CDK8: variants seen among roughly 807,000 people sequenced by gnomAD.
CDK8 encodes cyclin dependent kinase 8.
CDK8 carries 29 observed loss-of-function variants against 71.5 expected under a neutral mutation model. The observed-to-expected ratio is 0.41, with a 90% CI of 0.30 to 0.55. The LOEUF is 0.55. Among genes scored for constraint, CDK8 ranks in the 20% least tolerant of loss-of-function variants. The probability of loss-of-function intolerance (pLI) is 0.37; values close to 1 mark genes in which losing one functional copy is unlikely to be tolerated. For synonymous variants in CDK8, 161 were observed against 192.1 expected, an observed-to-expected ratio of 0.84 and a Z score of 1.34; for missense variants, 288 against 572.6, an observed-to-expected ratio of 0.50 and a Z score of 5.07.
Position 26,404,558 on chromosome 13 carries a change from G to A in CDK8, c.*477G>A. 1 of 232,482 alleles carries A rather than the reference G, an allele frequency of 4.3e-6. No homozygotes were observed. Among genetic ancestry groups the A allele is most frequent in the Non-Finnish European group, 8.5e-6 (1 of 117,684 alleles). 14.4% of individuals were successfully genotyped at this position (232,482 alleles called of 1,614,324 possible). On this transcript the variant is annotated 3_prime_UTR_variant, in exon 13 of 13. Coordinates refer to ENST00000381527, the MANE Select transcript of CDK8 (RefSeq NM_001260.3). ...CAAGACTCGAAATGAGATTATTTTGGTACACCTTTCTTTTTAGTGTCTTAT... is the reference window on the plus strand; with the variant it reads ...CAAGACTCGAAATGAGATTATTTTGATACACCTTTCTTTTTAGTGTCTTAT...
At chr13:26,292,723 C>T (rs144503907) in intron 1 of CDK8, among the ~76,000 whole-genome samples, 29 of 152,256 alleles carry the variant, frequency 1.9e-4, no homozygotes, top group African/African-American at 5.8e-4. Context: ...GATACTTTGG[C>T]TGGATATGGA....
chr13:26,347,652 G>A (rs1386448150), intron 2 of CDK8, among the ~76,000 whole-genome samples: 3 of 152,084 alleles, frequency 2.0e-5, no homozygotes, highest in Non-Finnish European at 2.9e-5. Flanking sequence ...CTCCAAAGAC[G>A]ATCTACAAAT....
chr13:26,295,954 T>G (rs1470564897), intron 1 of CDK8, among the ~76,000 whole-genome samples: 1 of 152,140 alleles, frequency 6.6e-6, no homozygotes, highest in Non-Finnish European at 1.5e-5. Flanking sequence ...ATCATTTGAC[T>G]GGACAGTGGC....
At chr13:26,279,879 A>G (rs1471775578) in intron 1 of CDK8, among the ~76,000 whole-genome samples, 6 of 152,192 alleles carry the variant, frequency 3.9e-5, no homozygotes, top group Admixed American at 3.3e-4. Context: ...ATGAAGTGGC[A>G]TGATGTCTAG....
chr13:26,384,780 G>C (rs919885529), intron 5 of CDK8, among the ~76,000 whole-genome samples: 1 of 152,176 alleles, frequency 6.6e-6, no homozygotes, highest in African/African-American at 2.4e-5. Flanking sequence ...ATATTGCATA[G>C]TCAGCTTCTG....
chr13:26,359,587 C>T (rs1452580079), intron 4 of CDK8: 1 of 180,464 alleles, frequency 5.5e-6, no homozygotes, highest in Non-Finnish European at 1.2e-5. Context: ...AGTGGTCCTC[C>T]TTTCTAGATA....
rs542227503 is a variant in CDK8, at chr13:26,375,703, A to G, written c.457-7111A>G. Among the ~76,000 whole-genome samples the G allele has an allele frequency of 5.9e-5, 9 of 152,374 alleles. No homozygotes were observed. In the East Asian group the frequency reaches 1.3e-3, roughly 23 times the overall value. On this transcript the variant is annotated intron_variant, in intron 4 of 12. Coordinates refer to ENST00000381527, the MANE Select transcript of CDK8 (RefSeq NM_001260.3). ...GACACTGAGTAAACTATGACATAAA[A>G]TATGCACACAATGGAGCATCTATGG...
chr13:26,349,680 T>C (rs1273829184), intron 3 of CDK8, among the ~76,000 whole-genome samples: 6 of 152,322 alleles, frequency 3.9e-5, no homozygotes, highest in African/African-American at 9.6e-5. Flanking sequence ...GTTTACCCCA[T>C]CTGTAAAATG....
chr13:26,258,474 T>TA (rs903571713), intron 1 of CDK8, among the ~76,000 whole-genome samples: 1 of 149,858 alleles, frequency 6.7e-6, no homozygotes, highest in Non-Finnish European at 1.5e-5. Flanking sequence ...TACACAAACA[T>TA]ACTTGTGTAT....
chr13:26,322,182 C>T (rs1433888492), intron 1 of CDK8, among the ~76,000 whole-genome samples: 1 of 152,172 alleles, frequency 6.6e-6, no homozygotes, highest in South Asian at 2.1e-4. Flanking sequence ...ATGGTTTCCT[C>T]CCTTCAAATA....
At chr13:26,297,624 G>C (rs1235390495) in intron 1 of CDK8, among the ~76,000 whole-genome samples, 1 of 152,136 alleles carries the variant, frequency 6.6e-6, no homozygotes, top group Non-Finnish European at 1.5e-5. Context: ...TACCTGATAA[G>C]TTCCTTTCTC....
chr13:26,363,878 C>T (rs575115327), intron 4 of CDK8, among the ~76,000 whole-genome samples: 1 of 152,172 alleles, frequency 6.6e-6, no homozygotes, highest in East Asian at 1.9e-4. Context: ...ATCAAGGCAT[C>T]TTATTGTGTA....
At chr13:26,347,033 A>G (rs1367250129) in intron 2 of CDK8, among the ~76,000 whole-genome samples, 5 of 152,174 alleles carry the variant, frequency 3.3e-5, no homozygotes, top group Non-Finnish European at 7.3e-5. Flanking sequence ...GTTTTAACTG[A>G]TAAAGACATA....
chr13:26,378,028 G>A (rs1258283342), intron 4 of CDK8, among the ~76,000 whole-genome samples: 1 of 152,166 alleles, frequency 6.6e-6, no homozygotes, highest in Non-Finnish European at 1.5e-5. Context: ...GATCCATCAA[G>A]AATCAACTTT....
chr13:26,305,813 T>G (rs369777205), intron 1 of CDK8, among the ~76,000 whole-genome samples: 12 of 152,212 alleles, frequency 7.9e-5, no homozygotes, highest in African/African-American at 2.9e-4. Context: ...ATCTGTGTTC[T>G]ATCTTGAGGT....
chr13:26,392,321 A>AT (rs1195929623), intron 6 of CDK8, among the ~76,000 whole-genome samples: 19 of 136,962 alleles, frequency 1.4e-4, no homozygotes, highest in East Asian at 4.2e-4. Flanking sequence ...TGAATTTATA[A>AT]CCCTTTTTTT....
chr13:26,386,178 A>G (rs1875467616), intron 6 of CDK8, among the ~76,000 whole-genome samples: 1 of 152,222 alleles, frequency 6.6e-6, no homozygotes, highest in Non-Finnish European at 1.5e-5. Flanking sequence ...CAGAATTAGT[A>G]ATATCTTCAT....
At chr13:26,324,195 G>C in intron 1 of CDK8, among the ~76,000 whole-genome samples, 1 of 152,026 alleles carries the variant, frequency 6.6e-6, no homozygotes, top group East Asian at 1.9e-4. Context: ...ATAAACTCAG[G>C]CATTTGTTTA....
intron 1 of CDK8, among the ~76,000 whole-genome samples, chr13:26,281,712 G>A (rs1872758683): frequency 7.5e-6 from 1 of 132,716 alleles, no homozygotes; most frequent in African/African-American, 4.1e-5. Context: ...ACCAGGGAAA[G>A]GTGAAAACCA....
Sources: allele counts gnomAD v4.1 joint callset (sites outside exome capture counted in the v4.1 genomes callset), GRCh38; gene constraint gnomAD v4.1.1; transcripts MANE v1.5; gene names NCBI Gene and HGNC (gene_info 2026-07-23, HGNC 2026-07-21).